Variants in SYTL5 observed in about 807,000 individuals in gnomAD.
SYTL5 encodes the protein synaptotagmin like 5.
Under a neutral mutation model 55.9 loss-of-function variants are expected in SYTL5, and 34 were observed. The observed-to-expected ratio is 0.61, with a 90% CI of 0.46 to 0.81. The LOEUF (loss-of-function observed/expected upper bound fraction) is 0.81, where lower values mean the gene tolerates loss of function less well. SYTL5 is among the 30% of genes least tolerant of loss of function. SYTL5 has a pLI of 0.00. For synonymous variants in SYTL5, 221 were observed against 188.7 expected (o/e 1.17, Z -1.40); for missense variants, 637 against 546.7 (o/e 1.17, Z -1.65).
At chrX:38,119,810 G>A (rs1379104521) in intron 13 of SYTL5, among the ~76,000 whole-genome samples, 1 of 112,338 alleles carries the variant, frequency 8.9e-6, no homozygotes, top group African/African-American at 3.2e-5. Flanking sequence ...CAATGTTTGA[G>A]TGAACCACTT....
At chrX:37,893,794 G>C in the SYTL5 span, among the ~76,000 whole-genome samples, 3 of 84,778 alleles carry the variant, frequency 3.5e-5, no homozygotes, top group Admixed American at 1.3e-4. Context: ...ATAGAGATTA[G>C]TATATATAAT....
At chrX:37,969,272 G>A in the SYTL5 span, among the ~76,000 whole-genome samples, 2 of 111,471 alleles carry the variant, frequency 1.8e-5, no homozygotes, top group African/African-American at 6.5e-5. Context: ...GTTTAAACAG[G>A]ACTTTAAGAT....
At chrX:37,920,893 T>C in the SYTL5 span, among the ~76,000 whole-genome samples, 47 of 111,544 alleles carry the variant, frequency 4.2e-4, no homozygotes, top group African/African-American at 1.5e-3. Flanking sequence ...TACCTGGAGC[T>C]TCCTTCACAG....
intron 9 of SYTL5, among the ~76,000 whole-genome samples, chrX:38,101,824 C>CAAA (rs74314259): frequency 1.5e-5 from 1 of 67,616 alleles, no homozygotes; most frequent in African/African-American, 4.7e-5. Context: ...AATAACTAGG[C>CAAA]AAAAAAAAAA....
chrX:37,967,360 T>G, the SYTL5 span, among the ~76,000 whole-genome samples: 1 of 111,682 alleles, frequency 9.0e-6, no homozygotes, highest in Non-Finnish European at 1.9e-5. Flanking sequence ...CCTCTTTTAG[T>G]ACTTTTATTA....
intron 6 of SYTL5, among the ~76,000 whole-genome samples, chrX:38,077,391 G>A (rs1004671722): frequency 9.0e-6 from 1 of 111,621 alleles, no homozygotes; most frequent in African/African-American, 3.3e-5. Flanking sequence ...TTGTCCAATT[G>A]TTAACTCCCT....
the SYTL5 span, among the ~76,000 whole-genome samples, chrX:37,995,324 G>T: frequency 1.8e-4 from 20 of 111,966 alleles, no homozygotes; most frequent in Middle Eastern, 4.6e-3. Flanking sequence ...GAGGGCACAC[G>T]GGCTGGCATG....
chrX:38,115,356 C>T (rs933212564), intron 13 of SYTL5, among the ~76,000 whole-genome samples: 7 of 102,664 alleles, frequency 6.8e-5, no homozygotes, highest in African/African-American at 1.1e-4. Flanking sequence ...TGGTAGCGGG[C>T]GCCTGTAGTC....
the SYTL5 span, among the ~76,000 whole-genome samples, chrX:37,943,756 C>T: frequency 9.0e-6 from 1 of 111,446 alleles, no homozygotes; most frequent in South Asian, 3.8e-4. Context: ...AGCTCTGCTT[C>T]TGTCTGGCAG....
intron 1 of SYTL5, among the ~76,000 whole-genome samples, chrX:38,030,200 AG>A (rs1169324658): frequency 2.7e-5 from 3 of 111,558 alleles, no homozygotes; most frequent in African/African-American, 9.8e-5. Context: ...CTTCCCCAAA[AG>A]TATATTTCCT....
chrX:38,018,056 A>G (rs893893077), intron 1 of SYTL5, among the ~76,000 whole-genome samples: 3 of 109,034 alleles, frequency 2.8e-5, no homozygotes, highest in Non-Finnish European at 5.7e-5. Context: ...TTTATCCTAA[A>G]TGGGTCCTGT....
At chrX:37,893,540 A>C in the SYTL5 span, among the ~76,000 whole-genome samples, 1 of 90,717 alleles carries the variant, frequency 1.1e-5, no homozygotes, top group Non-Finnish European at 2.1e-5. Context: ...TATAGATAAT[A>C]TATAATCTAT....
the SYTL5 span, among the ~76,000 whole-genome samples, chrX:37,959,364 T>C: frequency 2.2e-3 from 242 of 112,244 alleles, 1 homozygote; most frequent in African/African-American, 7.4e-3. Flanking sequence ...CAGCTCGCAC[T>C]CCAGGCATTT....
At chrX:38,040,454 T>TC (rs915531275) in intron 2 of SYTL5, among the ~76,000 whole-genome samples, 51 of 98,304 alleles carry the variant, frequency 5.2e-4, no homozygotes, top group Non-Finnish European at 7.1e-4. Flanking sequence ...TCATTAACCA[T>TC]CCCCCCCCCG....
intron 1 of SYTL5, among the ~76,000 whole-genome samples, chrX:38,027,758 CT>C (rs952761673): frequency 1.8e-5 from 2 of 109,509 alleles, no homozygotes; most frequent in East Asian, 2.8e-4. Flanking sequence ...CAAATAAGAC[CT>C]TTTTTTTAAA....
At chrX:37,910,114 T>C in the SYTL5 span, among the ~76,000 whole-genome samples, 1 of 111,666 alleles carries the variant, frequency 9.0e-6, no homozygotes, top group South Asian at 3.8e-4. Flanking sequence ...GAAACTATAT[T>C]AGTTTGCTAG....
chrX:38,077,180 A>T lies in SYTL5; in HGVS notation c.689+479A>T, dbSNP rs1260214252. 2.7e-5 allele frequency among the ~76,000 whole-genome samples: 3 copies of T among 111,561 alleles called. No homozygotes were observed. In the East Asian group the frequency reaches 8.4e-4, roughly 31 times the overall value. ...CTGGAGGAGATTATCAGTGGAGCCA[A>T]TTGAGAATGTCCTATCCACAGATCT... On this transcript the variant is annotated intron_variant, in intron 6 of 16. Transcript: ENST00000297875.
intron 6 of SYTL5, among the ~76,000 whole-genome samples, chrX:38,077,079 T>A (rs1247867090): frequency 8.9e-6 from 1 of 111,867 alleles, no homozygotes; most frequent in Non-Finnish European, 1.9e-5. Flanking sequence ...TAAAAAATTA[T>A]TAATAATTTT....
the SYTL5 span, among the ~76,000 whole-genome samples, chrX:37,894,060 G>A: frequency 9.1e-6 from 1 of 110,114 alleles, no homozygotes; most frequent in Non-Finnish European, 1.9e-5. Context: ...CCTCTTTTGT[G>A]CCTAGTCTTC....
Sources: allele counts gnomAD v4.1 joint callset (sites outside exome capture counted in the v4.1 genomes callset), GRCh38; gene constraint gnomAD v4.1.1; transcripts MANE v1.5; gene names NCBI Gene and HGNC (gene_info 2026-07-23, HGNC 2026-07-21).